Variants in PLEKHB2 observed in about 807,000 individuals in gnomAD.
The protein encoded by PLEKHB2 is pleckstrin homology domain-containing family B member 2.
A neutral mutation model predicts 36.5 loss-of-function variants in PLEKHB2; 31 were observed. The ratio of observed to expected loss-of-function variants is 0.85; its 90% CI spans 0.64 to 1.15. The LOEUF (loss-of-function observed/expected upper bound fraction) is 1.15. PLEKHB2 is among the 50% of genes most tolerant of loss of function. The probability of loss-of-function intolerance (pLI) is 0.00; values close to 1 mark genes in which losing one functional copy is unlikely to be tolerated. For missense variants in PLEKHB2, 262 were observed against 295.3 expected (o/e 0.89, Z 0.83); for synonymous variants, 119 against 112.0 (o/e 1.06, Z -0.39).
chr2:131,126,987 TGTG>T, intron 4 of PLEKHB2: 2 of 524,184 alleles, frequency 3.8e-6, no homozygotes, highest in South Asian at 2.4e-5. Flanking sequence ...CCGATCCCAT[TGTG>T]GTGAAAATGG....
chr2:131,144,638 T>C (rs1207045719), intron 7 of PLEKHB2, among the ~76,000 whole-genome samples: 1 of 152,234 alleles, frequency 6.6e-6, no homozygotes, highest in Non-Finnish European at 1.5e-5. Flanking sequence ...ATTTTGACCA[T>C]TTATGTAATA....
chr2:131,132,758 G>A (rs890408845), intron 5 of PLEKHB2, 144 bp from the exon 6 acceptor site: 2 of 556,590 alleles, frequency 3.6e-6, no homozygotes, highest in East Asian at 5.7e-5. Context: ...CTGGACTGGG[G>A]GAGTTTTTCC....
intron 2 of PLEKHB2, 148 bp downstream of exon 2, chr2:131,121,126 C>T (rs1232820563): frequency 6.6e-5 from 47 of 717,466 alleles, no homozygotes; most frequent in Non-Finnish European, 9.9e-5. Flanking sequence ...TCCTAGATCT[C>T]TGTGAACTGT....
chr2:131,126,218 C>T lies in PLEKHB2; in HGVS notation c.190+313C>T, dbSNP rs574464874. 4.1e-4 allele frequency among the ~76,000 whole-genome samples: 62 copies of T among 152,240 alleles called. 1 individual carries two copies. Among genetic ancestry groups the T allele is most frequent in the South Asian group, 6.2e-4 (3 of 4,818 alleles). On this transcript the variant is annotated intron_variant, in intron 3 of 7. Coordinates refer to ENST00000693505, the MANE Select transcript of PLEKHB2 (RefSeq NM_001100623.2). ...ACTGGCTTCTGTTTGATGGTGACTC[C>T]AGTCAATTGCTTAAAATCTGGGATG...
chr2:131,108,748 G>A (rs903106015), intron 1 of PLEKHB2, among the ~76,000 whole-genome samples: 1 of 152,186 alleles, frequency 6.6e-6, no homozygotes, highest in African/African-American at 2.4e-5. Context: ...GAATATTTTC[G>A]GCAAATTTTG....
At chr2:131,109,456 G>C (rs994311185) in intron 1 of PLEKHB2, among the ~76,000 whole-genome samples, 1 of 152,132 alleles carries the variant, frequency 6.6e-6, no homozygotes, top group African/African-American at 2.4e-5. Flanking sequence ...TTTGGAGGCT[G>C]AGGCGGGTGG....
intron 1 of PLEKHB2, among the ~76,000 whole-genome samples, chr2:131,108,285 G>T (rs1694939786): frequency 6.6e-6 from 1 of 152,182 alleles, no homozygotes; most frequent in Non-Finnish European, 1.5e-5. Flanking sequence ...GCTTTGCATA[G>T]GTTTTATTGG....
intron 1 of PLEKHB2, among the ~76,000 whole-genome samples, chr2:131,116,718 A>G (rs887340457): frequency 6.6e-6 from 1 of 152,224 alleles, no homozygotes; most frequent in African/African-American, 2.4e-5. Context: ...GTGGGGACAC[A>G]GAGCCAAACC....
chr2:131,133,874 G>T (rs1245422673), intron 6 of PLEKHB2, among the ~76,000 whole-genome samples: 1 of 149,466 alleles, frequency 6.7e-6, no homozygotes, highest in Non-Finnish European at 1.5e-5. Context: ...GTTGCTCTTT[G>T]TCAATAATCC....
rs191453036 is a variant in PLEKHB2, at chr2:131,110,500, C to T, written c.-9+5102C>T. 9.3e-4 allele frequency among the ~76,000 whole-genome samples: 141 copies of T among 152,146 alleles called. 1 individual carries two copies. The highest frequency in any genetic ancestry group is 5.1e-4 in the Non-Finnish European group (35 of 68,010). On this transcript the variant is annotated intron_variant, in intron 1 of 7. Coordinates refer to ENST00000693505, the MANE Select transcript of PLEKHB2 (RefSeq NM_001100623.2). Reference sequence around the variant, plus strand: ...AAGCGATCTTCCTACCTCAGTCTCCCGAGTAGGTGGGACTACAGGCGTGCA... The same window carrying T: ...AAGCGATCTTCCTACCTCAGTCTCCTGAGTAGGTGGGACTACAGGCGTGCA...
intron 4 of PLEKHB2, 126 bp downstream of exon 4, chr2:131,126,912 T>G (rs1697159341): frequency 3.2e-6 from 2 of 623,330 alleles, no homozygotes; most frequent in African/African-American, 1.8e-5. Flanking sequence ...ACTCAGTGGA[T>G]GTATGAGAGA....
At chr2:131,117,753 T>C (rs1696038491) in intron 1 of PLEKHB2, among the ~76,000 whole-genome samples, 1 of 152,096 alleles carries the variant, frequency 6.6e-6, no homozygotes, top group South Asian at 2.1e-4. Context: ...ATAACCCCAC[T>C]GCACAGATGT....
At chr2:131,113,167 C>T (rs1695499662) in intron 1 of PLEKHB2, among the ~76,000 whole-genome samples, 1 of 151,986 alleles carries the variant, frequency 6.6e-6, no homozygotes, top group African/African-American at 2.4e-5. Flanking sequence ...ACTGCAACCT[C>T]CCCATCCCAG....
At chr2:131,123,595 A>G (rs1696746922) in intron 2 of PLEKHB2, among the ~76,000 whole-genome samples, 1 of 151,860 alleles carries the variant, frequency 6.6e-6, no homozygotes, top group Non-Finnish European at 1.5e-5. Flanking sequence ...CATGATCTCA[A>G]CTTACTGCAA....
At chr2:131,111,493 G>GTT (rs1163136912) in intron 1 of PLEKHB2, among the ~76,000 whole-genome samples, 15 of 117,810 alleles carry the variant, frequency 1.3e-4, no homozygotes, top group Admixed American at 2.5e-4. Flanking sequence ...TTTTATTCTT[G>GTT]TTTTTTTTTT....
intron 1 of PLEKHB2, 186 bp from the exon 2 acceptor site, chr2:131,120,748 G>A: frequency 1.5e-6 from 1 of 672,078 alleles, no homozygotes; most frequent in South Asian, 1.6e-5. Flanking sequence ...AAGGGAGGGG[G>A]TACAGAGTGC....
At chr2:131,124,696 G>C (rs138874727) in intron 2 of PLEKHB2, among the ~76,000 whole-genome samples, 89 of 152,294 alleles carry the variant, frequency 5.8e-4, no homozygotes, top group South Asian at 4.1e-3. Flanking sequence ...CATCAGGAAG[G>C]GGGGAGCCTT....
At chr2:131,129,370 A>AAAATAAG (rs1171602593) in intron 4 of PLEKHB2, among the ~76,000 whole-genome samples, 8 of 151,510 alleles carry the variant, frequency 5.3e-5, no homozygotes, top group African/African-American at 1.9e-4. Flanking sequence ...AGAACACTTG[A>AAAATAAG]AAATAAGTGA....
At chr2:131,121,903 TTTTATTTA>T (rs201737276) in intron 2 of PLEKHB2, among the ~76,000 whole-genome samples, 2 of 151,826 alleles carry the variant, frequency 1.3e-5, no homozygotes, top group East Asian at 1.9e-4. Flanking sequence ...TGTGTTTTAT[TTTTATTTA>T]TTTATTTATT....
Sources: allele counts gnomAD v4.1 joint callset (sites outside exome capture counted in the v4.1 genomes callset), GRCh38; gene constraint gnomAD v4.1.1; transcripts MANE v1.5; gene names NCBI Gene and HGNC (gene_info 2026-07-23, HGNC 2026-07-21).